Variants in DHRSX observed in about 807,000 individuals in gnomAD.
The protein encoded by DHRSX is polyprenol dehydrogenase.
In DHRSX, 31 loss-of-function variants were observed where a neutral mutation model predicts 34.0. The observed-to-expected ratio is 0.91, with a 90% CI of 0.69 to 1.23. The LOEUF (loss-of-function observed/expected upper bound fraction) is 1.23, where lower values mean the gene tolerates loss of function less well. Among genes scored for constraint, DHRSX ranks in the 50% most tolerant of loss-of-function variants. DHRSX has a pLI of 0.00. For synonymous variants in DHRSX, 201 were observed against 183.8 expected (o/e 1.09, Z -0.76); for missense variants, 414 against 428.1 (o/e 0.97, Z 0.29).
At chrX:2,408,982 C>A (rs2043593858) in intron 2 of DHRSX, 169 bp from the exon 3 acceptor site, 1 of 177,544 alleles carries the variant, frequency 5.6e-6, no homozygotes, top group Non-Finnish European at 1.1e-5. Flanking sequence ...TTTTGGCAGA[C>A]TAAAGCTATC....
chrX:2,291,219 C>G (rs2041861203), intron 4 of DHRSX, among the ~76,000 whole-genome samples: 2 of 152,120 alleles, frequency 1.3e-5, no homozygotes, highest in Admixed American at 6.6e-5. Flanking sequence ...AAACACCAAC[C>G]CTTAGCATGT....
chrX:2,459,826 G>C (rs2044378138), intron 1 of DHRSX, among the ~76,000 whole-genome samples: 1 of 151,968 alleles, frequency 6.6e-6, no homozygotes, highest in Admixed American at 6.6e-5. Context: ...ATCTACACTG[G>C]GCCGGGCGCG....
chrX:2,489,370 G>C (rs1336432616), intron 1 of DHRSX: 1 of 1,613,846 alleles, frequency 6.2e-7, no homozygotes, highest in African/African-American at 1.3e-5. Context: ...CCTTGGCGAT[G>C]ACCTCCTTGG....
chrX:2,381,385 G>T (rs1468236824), intron 3 of DHRSX, among the ~76,000 whole-genome samples: 1 of 152,098 alleles, frequency 6.6e-6, no homozygotes, highest in African/African-American at 2.4e-5. Context: ...GACACTGAAC[G>T]TGGCATGCTT....
chrX:2,223,207 T>C (rs1010721867), intron 6 of DHRSX, among the ~76,000 whole-genome samples: 1 of 152,144 alleles, frequency 6.6e-6, no homozygotes, highest in African/African-American at 2.4e-5. Context: ...AATTGAATCA[T>C]GGGAGATCTT....
Position 2,494,916 on chromosome X carries a change from T to A in DHRSX, c.109+5901A>T, listed in dbSNP as rs2045244354. On this transcript the variant is annotated intron_variant, in intron 1 of 6. Coordinates refer to ENST00000334651, the MANE Select transcript of DHRSX (RefSeq NM_145177.3). ...TTTATATTCTATTATTATTCTTATT[T>A]GGCTGAAAGAGCTCCCAGGACCTGG... Among the ~76,000 whole-genome samples, 3 of 151,778 alleles carry A rather than the reference T, an allele frequency of 2.0e-5. No homozygotes were observed. In the South Asian group the frequency reaches 6.2e-4, roughly 32 times the overall value.
intron 5 of DHRSX, among the ~76,000 whole-genome samples, chrX:2,246,750 A>G (rs780306257): frequency 8.3e-5 from 9 of 108,448 alleles, no homozygotes; most frequent in African/African-American, 3.1e-4. Context: ...GAAAGAAAGA[A>G]AAAGAAAGAA....
At chrX:2,341,651 CTTTTT>C (rs112680079) in intron 3 of DHRSX, among the ~76,000 whole-genome samples, 1 of 121,060 alleles carries the variant, frequency 8.3e-6, no homozygotes, top group African/African-American at 3.1e-5. Flanking sequence ...GTGAACTTGT[CTTTTT>C]TTTTTTTTTG....
chrX:2,274,350 T>A (rs1218681953), intron 4 of DHRSX, among the ~76,000 whole-genome samples: 8 of 151,090 alleles, frequency 5.3e-5, no homozygotes. Flanking sequence ...ACTAATATTA[T>A]TATTTTTTTG....
At chrX:2,251,319 A>G (rs1255761047) in intron 5 of DHRSX, among the ~76,000 whole-genome samples, 1 of 152,200 alleles carries the variant, frequency 6.6e-6, no homozygotes, top group Non-Finnish European at 1.5e-5. Flanking sequence ...TTATGCTCTT[A>G]GCTCCCACAA....
chrX:2,323,992 A>G (rs2042344712), intron 3 of DHRSX, among the ~76,000 whole-genome samples: 1 of 150,930 alleles, frequency 6.6e-6, no homozygotes, highest in Admixed American at 6.6e-5. Context: ...CGGAAGTTGA[A>G]GTTGCAGTGA....
chrX:2,306,687 G>A (rs1489062597), intron 3 of DHRSX, among the ~76,000 whole-genome samples: 3 of 152,058 alleles, frequency 2.0e-5, no homozygotes, highest in Non-Finnish European at 2.9e-5. Context: ...GCTGGATTCT[G>A]TTTGCTAGTA....
chrX:2,246,631 A>G (rs1292552757), intron 5 of DHRSX, among the ~76,000 whole-genome samples: 1 of 151,224 alleles, frequency 6.6e-6, no homozygotes, highest in East Asian at 1.9e-4. Flanking sequence ...AAAAAAAGAA[A>G]GAAAGAAAGA....
In DHRSX at chrX:2,459,344, T is replaced by A. The variant is rs1057441084; in HGVS notation, c.110-34040A>T. On this transcript the variant is annotated intron_variant, in intron 1 of 6. Coordinates refer to ENST00000334651, the MANE Select transcript of DHRSX (RefSeq NM_145177.3). ...AGTTAGGGTTATCTGAATATGTAAA[T>A]TAGCTTGTTAATATGTTAATTAGCT... Among the ~76,000 whole-genome samples, 4 of 151,956 alleles carry A rather than the reference T, an allele frequency of 2.6e-5. 1 individual carries two copies. The highest frequency in any genetic ancestry group is 5.9e-5 in the Non-Finnish European group (4 of 67,978).
chrX:2,223,534 T>C (rs1029797897), intron 6 of DHRSX, among the ~76,000 whole-genome samples: 42 of 152,076 alleles, frequency 2.8e-4, no homozygotes, highest in Non-Finnish European at 7.4e-5. Context: ...GGGAGCCCTG[T>C]GTCCCGTGTC....
chrX:2,310,414 GTTA>G (rs2042148700), intron 3 of DHRSX, among the ~76,000 whole-genome samples: 1 of 152,024 alleles, frequency 6.6e-6, no homozygotes, highest in Non-Finnish European at 1.5e-5. Context: ...TCTCTTAGTC[GTTA>G]TGCAGGTATG....
At chrX:2,370,761 C>T (rs1398548451) in intron 3 of DHRSX, among the ~76,000 whole-genome samples, 1 of 152,082 alleles carries the variant, frequency 6.6e-6, no homozygotes, top group Admixed American at 6.6e-5. Context: ...AACGTGATCA[C>T]ATTTTGGTTG....
intron 1 of DHRSX, among the ~76,000 whole-genome samples, chrX:2,443,413 C>A (rs2044086879): frequency 6.6e-6 from 1 of 151,888 alleles, no homozygotes; most frequent in South Asian, 2.1e-4. Flanking sequence ...GCAAACAAGT[C>A]CAGTCAAGGC....
chrX:2,474,728 C>A (rs2044648394), intron 1 of DHRSX, among the ~76,000 whole-genome samples: 6 of 151,840 alleles, frequency 4.0e-5, no homozygotes, highest in Admixed American at 3.3e-4. Flanking sequence ...CATGTACACA[C>A]TGAAGACGTT....
Sources: allele counts gnomAD v4.1 joint callset (sites outside exome capture counted in the v4.1 genomes callset), GRCh38; gene constraint gnomAD v4.1.1; transcripts MANE v1.5; gene names NCBI Gene and HGNC (gene_info 2026-07-23, HGNC 2026-07-21).